SLC75A1: variants seen among roughly 807,000 people sequenced by gnomAD.
SLC75A1 encodes major facilitator superfamily domain containing 10.
chr4:2,933,502 G>C, the SLC75A1 span: 1 of 1,548,616 alleles, frequency 6.5e-7, no homozygotes, highest in Non-Finnish European at 8.9e-7. Context: ...AGGGGCCTGG[G>C]CTGGACCACG....
At chr4:2,931,301 C>G in the SLC75A1 span, 2 of 1,549,510 alleles carry the variant, frequency 1.3e-6, no homozygotes, top group Non-Finnish European at 8.7e-7. Flanking sequence ...AGGAGGTGCC[C>G]GTCAGCCCAG....
At chr4:2,934,117 A>T in the SLC75A1 span, 3 of 633,988 alleles carry the variant, frequency 4.7e-6, no homozygotes, top group Non-Finnish European at 5.4e-6. Flanking sequence ...GAACCCAGGC[A>T]GCAGGAAACG....
At chr4:2,934,013 C>T in the SLC75A1 span, 1 of 1,394,920 alleles carries the variant, frequency 7.2e-7, no homozygotes, top group Non-Finnish European at 9.7e-7. Context: ...TACCCCCACA[C>T]CCGACAGCCG....
chr4:2,933,925 G>A, the SLC75A1 span: 3 of 1,560,620 alleles, frequency 1.9e-6, no homozygotes, highest in Non-Finnish European at 2.6e-6. Flanking sequence ...CCATCCCATG[G>A]TGGGCTGCTC....
chr4:2,931,224 C>T, the SLC75A1 span: 3 of 1,563,486 alleles, frequency 1.9e-6, no homozygotes, highest in Non-Finnish European at 2.6e-6. Flanking sequence ...GAAGGGGGCT[C>T]ACCATAGCCA....
the SLC75A1 span, chr4:2,934,184 G>C: frequency 1.8e-6 from 1 of 541,256 alleles, no homozygotes; most frequent in African/African-American, 1.9e-5. Context: ...TGAGAGACCA[G>C]GGTGAGCACA....
the SLC75A1 span, chr4:2,931,144 G>A: frequency 1.9e-6 from 3 of 1,565,198 alleles, no homozygotes; most frequent in East Asian, 2.4e-5. Flanking sequence ...CTTCTGCCCT[G>A]GTGAGCCTGT....
the SLC75A1 span, chr4:2,932,651 G>GCT: frequency 6.2e-7 from 1 of 1,612,752 alleles, no homozygotes; most frequent in Admixed American, 1.7e-5. Flanking sequence ...CGATGGCCGT[G>GCT]GAGAGGCTGA....
At chr4:2,932,788 G>A in the SLC75A1 span, 2 of 1,534,222 alleles carry the variant, frequency 1.3e-6, no homozygotes, top group South Asian at 2.6e-5. Flanking sequence ...AAGAGGCAGG[G>A]GCGGTCGCTT....
chr4:2,932,547 C>T, the SLC75A1 span: 6 of 1,612,590 alleles, frequency 3.7e-6, 1 homozygote, highest in South Asian at 4.4e-5. Context: ...CACAGGGAGA[C>T]CCAGGCCCAG....
the SLC75A1 span, chr4:2,930,597 A>G: frequency 1.7e-6 from 1 of 574,312 alleles, no homozygotes; most frequent in East Asian, 3.0e-5. Context: ...TTTCATCATC[A>G]GAAACCTGGT....
chr4:2,933,403 A>G, the SLC75A1 span, among the ~76,000 whole-genome samples: 11 of 152,206 alleles, frequency 7.2e-5, no homozygotes, highest in Non-Finnish European at 4.4e-5. Flanking sequence ...CGCGGAGGCA[A>G]GGGATCATGC....
chr4:2,932,456 G>A, the SLC75A1 span: 1 of 1,613,638 alleles, frequency 6.2e-7, no homozygotes, highest in Admixed American at 1.7e-5. Context: ...GGGGCAGGGA[G>A]GCTCCGAGCA....
the SLC75A1 span, chr4:2,931,241 A>G: frequency 3.2e-6 from 5 of 1,564,450 alleles, no homozygotes; most frequent in East Asian, 4.8e-5. Flanking sequence ...GCCAGCGACC[A>G]CGGAGGACAG....
the SLC75A1 span, chr4:2,930,856 C>G: frequency 1.2e-6 from 2 of 1,613,110 alleles, no homozygotes; most frequent in Non-Finnish European, 1.7e-6. Flanking sequence ...CCTTGAGCGT[C>G]TGTGCCGGGT....
chr4:2,931,607 C>A, the SLC75A1 span: 1 of 1,613,584 alleles, frequency 6.2e-7, no homozygotes, highest in Non-Finnish European at 8.5e-7. Context: ...GGCATAGGCA[C>A]CCTGGATGGT....
At chr4:2,933,649 G>A in the SLC75A1 span, 3 of 1,613,838 alleles carry the variant, frequency 1.9e-6, no homozygotes, top group South Asian at 1.1e-5. Flanking sequence ...CCTGCCAGGA[G>A]CCATAGAGGG....
At chr4:2,933,577 G>A in the SLC75A1 span, 3 of 1,613,854 alleles carry the variant, frequency 1.9e-6, no homozygotes, top group South Asian at 2.2e-5. Flanking sequence ...CTCCGAACAG[G>A]ACACTGTTGT....
chr4:2,931,959 G>GA, the SLC75A1 span: 1 of 1,602,866 alleles, frequency 6.2e-7, no homozygotes, highest in Non-Finnish European at 8.5e-7. Context: ...GGCGCGTGCT[G>GA]AGAAGGCGAC....
Sources: allele counts gnomAD v4.1 joint callset (sites outside exome capture counted in the v4.1 genomes callset), GRCh38; gene constraint gnomAD v4.1.1; transcripts MANE v1.5; gene names NCBI Gene and HGNC (gene_info 2026-07-23, HGNC 2026-07-21).